The following TLL1 variants were observed in gnomAD, a reference collection of about 807,000 sequenced individuals.
The protein encoded by TLL1 is tolloid like 1.
In TLL1, 49 loss-of-function variants were observed where a neutral mutation model predicts 128.2. The ratio of observed to expected loss-of-function variants is 0.38; its 90% CI spans 0.30 to 0.48. TLL1 has a LOEUF of 0.48. Ranked by LOEUF, TLL1 falls within the 20% of genes least tolerant of loss-of-function variation. The probability of loss-of-function intolerance (pLI) is 0.96; values close to 1 mark genes in which losing one functional copy is unlikely to be tolerated. For synonymous variants in TLL1, 454 were observed against 418.8 expected (o/e 1.08, Z -1.03); for missense variants, 1,123 against 1,242.0 (o/e 0.90, Z 1.44).
intron 3 of TLL1, 31 bp downstream of exon 3, chr4:165,992,915 G>A (rs1213354369): frequency 3.9e-6 from 6 of 1,539,080 alleles, no homozygotes; most frequent in South Asian, 1.1e-5. Context: ...GCAGACGCTT[G>A]ACTTGATGTA....
chr4:166,081,342 G>T (rs966766233), intron 18 of TLL1, among the ~76,000 whole-genome samples: 1 of 152,178 alleles, frequency 6.6e-6, no homozygotes, highest in Non-Finnish European at 1.5e-5. Flanking sequence ...GTTTTCTGAA[G>T]AAGGATTACA....
intron 18 of TLL1, among the ~76,000 whole-genome samples, chr4:166,085,485 T>TTTA (rs1553968777): frequency 6.6e-6 from 1 of 151,750 alleles, no homozygotes; most frequent in East Asian, 1.9e-4. Context: ...GTTTTTTTTT[T>TTTA]ATCATGAAAG....
At chr4:166,046,222 G>T (rs982036569) in intron 12 of TLL1, among the ~76,000 whole-genome samples, 1 of 152,178 alleles carries the variant, frequency 6.6e-6, no homozygotes, top group Non-Finnish European at 1.5e-5. Context: ...GTTGGCAGAT[G>T]AAAATGAATA....
intron 1 of TLL1, among the ~76,000 whole-genome samples, chr4:165,981,241 C>T (rs1736138700): frequency 6.6e-6 from 1 of 151,968 alleles, no homozygotes; most frequent in Non-Finnish European, 1.5e-5. Context: ...CACTCACTCC[C>T]CAAGAGACAG....
intron 1 of TLL1, among the ~76,000 whole-genome samples, chr4:165,905,035 G>C (rs934250779): frequency 2.6e-5 from 4 of 152,088 alleles, no homozygotes; most frequent in Non-Finnish European, 5.9e-5. Flanking sequence ...CAAAATACTG[G>C]ACCAGTACCC....
In TLL1 at chr4:165,882,249, C is replaced by T. The variant is rs971844191; in HGVS notation, c.169+8176C>T. 3.3e-5 allele frequency among the ~76,000 whole-genome samples: 5 copies of T among 152,130 alleles called. No individual in the cohort carries two copies. The South Asian group carries it at 6.2e-4, about 19-fold the overall frequency. On this transcript the variant is annotated intron_variant, in intron 1 of 20. Transcript: ENST00000061240. ...AGTCTGGCAAATTCAAAATATATAC[C>T]ATATGTAATATTTACTATACGGGTA... is the stretch of plus-strand genomic sequence containing the variant.
At chr4:165,916,926 C>T (rs1039026639) in intron 1 of TLL1, among the ~76,000 whole-genome samples, 6 of 152,054 alleles carry the variant, frequency 3.9e-5, no homozygotes, top group Admixed American at 3.9e-4. Flanking sequence ...ATTATTGGAA[C>T]TCTTACTTTC....
In TLL1 at chr4:165,923,182, A is replaced by AT. The variant is rs1037206180; in HGVS notation, c.169+49117dup. On this transcript the variant is annotated intron_variant, in intron 1 of 20. Transcript: ENST00000061240. ...TGCAGTAATCCCTAGGGAAAATGTG[A>AT]TTTTTTTTCTCTAAAAATGATGGTG... Among the ~76,000 whole-genome samples the AT allele has an allele frequency of 6.7e-4, 102 of 151,922 alleles. 1 individual carries two copies. In the East Asian group the frequency reaches 0.012, roughly 17 times the overall value.
At chr4:165,992,592 C>T (rs757959692) in intron 2 of TLL1, among the ~76,000 whole-genome samples, 1 of 152,022 alleles carries the variant, frequency 6.6e-6, no homozygotes, top group Non-Finnish European at 1.5e-5. Context: ...TTACATTGCT[C>T]TCTGAGTCTC....
intron 1 of TLL1, among the ~76,000 whole-genome samples, chr4:165,874,793 C>T (rs748305897): frequency 2.6e-5 from 4 of 152,274 alleles, no homozygotes; most frequent in Non-Finnish European, 5.9e-5. Context: ...TCTTGCCTCG[C>T]AGGGTCCCTG....
chr4:165,902,831 A>G (rs966064337), intron 1 of TLL1, among the ~76,000 whole-genome samples: 1 of 152,208 alleles, frequency 6.6e-6, no homozygotes, highest in Non-Finnish European at 1.5e-5. Context: ...AGCACCATAT[A>G]AATCATTAAT....
At chr4:165,907,063 T>C (rs1356681763) in intron 1 of TLL1, among the ~76,000 whole-genome samples, 7 of 152,202 alleles carry the variant, frequency 4.6e-5, no homozygotes, top group Admixed American at 6.5e-5. Flanking sequence ...TTATTTTTCT[T>C]GAAACTTCAG....
chr4:165,935,052 A>T (rs1733702021), intron 1 of TLL1, among the ~76,000 whole-genome samples: 1 of 152,206 alleles, frequency 6.6e-6, no homozygotes, highest in Non-Finnish European at 1.5e-5. Flanking sequence ...CAAGTGCCTT[A>T]ACTGTTTCTA....
At chr4:166,009,436 A>G (rs996537369) in intron 7 of TLL1, among the ~76,000 whole-genome samples, 1 of 151,472 alleles carries the variant, frequency 6.6e-6, no homozygotes, top group Non-Finnish European at 1.5e-5. Context: ...TTCTAACTGT[A>G]TGTTTCCCCT....
chr4:166,059,205 G>GTA (rs1740170454), intron 14 of TLL1, among the ~76,000 whole-genome samples: 1 of 150,374 alleles, frequency 6.7e-6, no homozygotes, highest in Non-Finnish European at 1.5e-5. Flanking sequence ...ATGTATATGT[G>GTA]TATACACACA....
chr4:166,003,238 A>G (rs1737250811), intron 5 of TLL1, among the ~76,000 whole-genome samples, 153 bp from the exon 6 acceptor site: 1 of 152,220 alleles, frequency 6.6e-6, no homozygotes, highest in Admixed American at 6.5e-5. Flanking sequence ...AAAGGATACC[A>G]GAAACTAGTC....
intron 1 of TLL1, among the ~76,000 whole-genome samples, chr4:165,965,018 T>C (rs573850766): frequency 6.9e-4 from 105 of 152,190 alleles, no homozygotes; most frequent in Non-Finnish European, 1.2e-3. Flanking sequence ...CATGTATAAT[T>C]TTAAGCATTT....
chr4:166,017,798 G>C (rs1456266648), intron 8 of TLL1, among the ~76,000 whole-genome samples: 1 of 151,770 alleles, frequency 6.6e-6, no homozygotes, highest in Non-Finnish European at 1.5e-5. Flanking sequence ...AGTTAGCTTT[G>C]AGCCCTACAT....
intron 19 of TLL1, among the ~76,000 whole-genome samples, chr4:166,095,371 C>G (rs1213405395): frequency 6.6e-6 from 1 of 151,630 alleles, no homozygotes; most frequent in East Asian, 1.9e-4. Flanking sequence ...AACAGTATTA[C>G]TCCAGTCTTA....
Sources: gnomAD v4.1 joint callset for allele counts (sites outside exome capture counted in the v4.1 genomes callset) on GRCh38, gnomAD v4.1.1 for gene constraint, MANE v1.5 for transcripts, NCBI Gene and HGNC (gene_info 2026-07-23, HGNC 2026-07-21) for gene names.